Variants in TMEM51 observed in about 807,000 individuals in gnomAD.
TMEM51 encodes chromosome 1 open reading frame 72.
A neutral mutation model predicts 13.6 loss-of-function variants in TMEM51; 8 were observed. The observed-to-expected ratio is 0.59, with a 90% CI of 0.35 to 1.07. The LOEUF is 1.07. TMEM51 is among the 50% of genes least tolerant of loss of function. The pLI is 0.02. For synonymous variants in TMEM51, 147 were observed against 144.4 expected (o/e 1.02, Z -0.13); for missense variants, 279 against 330.7 (o/e 0.84, Z 1.21).
chr1:15,192,915 C>T (rs1165426772), intron 1 of TMEM51: 2 of 155,280 alleles, frequency 1.3e-5, no homozygotes, highest in South Asian at 1.9e-4. Context: ...GCACGGTTTG[C>T]TTCTATGCTT....
At chr1:15,204,369 C>T (rs1197743029) in intron 1 of TMEM51, among the ~76,000 whole-genome samples, 1 of 152,108 alleles carries the variant, frequency 6.6e-6, no homozygotes, top group Non-Finnish European at 1.5e-5. Flanking sequence ...GCCTGGCCAG[C>T]GTGGTGAAAC....
chr1:15,214,083 C>T (rs1644385616), intron 2 of TMEM51, among the ~76,000 whole-genome samples: 1 of 148,608 alleles, frequency 6.7e-6, no homozygotes, highest in Non-Finnish European at 1.5e-5. Context: ...GATCTCTTGA[C>T]CTCGTGATCC....
intron 3 of TMEM51, among the ~76,000 whole-genome samples, chr1:15,216,874 T>C (rs887333422): frequency 3.3e-5 from 5 of 152,172 alleles, no homozygotes; most frequent in African/African-American, 9.6e-5. Context: ...TCAAATGTTG[T>C]GGCTGTGGGA....
chr1:15,180,576 T>C (rs1302882837), intron 1 of TMEM51, among the ~76,000 whole-genome samples: 1 of 152,208 alleles, frequency 6.6e-6, no homozygotes, highest in Non-Finnish European at 1.5e-5. Context: ...TGTTTAATTA[T>C]ATGAGCGGAT....
intron 2 of TMEM51, among the ~76,000 whole-genome samples, chr1:15,212,153 A>C (rs1644351123): frequency 6.6e-6 from 1 of 152,216 alleles, no homozygotes; most frequent in African/African-American, 2.4e-5. Context: ...AATTCTTAGA[A>C]GTTGGAATTA....
chr1:15,202,882 G>T (rs1644182967), intron 1 of TMEM51, among the ~76,000 whole-genome samples: 1 of 152,174 alleles, frequency 6.6e-6, no homozygotes, highest in South Asian at 2.1e-4. Context: ...AAAGAACCCT[G>T]TGCAGGACCC....
intron 1 of TMEM51, among the ~76,000 whole-genome samples, chr1:15,182,779 G>T (rs201046282): frequency 1.3e-5 from 2 of 152,074 alleles, no homozygotes; most frequent in Non-Finnish European, 2.9e-5. Context: ...CTTCTTTTGG[G>T]GGGCACAGAA....
intron 2 of TMEM51, 113 bp from the exon 3 acceptor site, chr1:15,214,782 G>A: frequency 2.9e-6 from 1 of 339,146 alleles, no homozygotes; most frequent in Non-Finnish European, 5.4e-6. Flanking sequence ...CCCAGCCAGA[G>A]CCGGCGTGCT....
intron 1 of TMEM51, chr1:15,192,172 C>T: frequency 5.0e-6 from 2 of 398,478 alleles, no homozygotes; most frequent in Non-Finnish European, 1.0e-5. Context: ...CTTTAGTCTG[C>T]CGGCTGCAAA....
In TMEM51 at chr1:15,161,054, G is replaced by A. The variant is rs1439508261; in HGVS notation, c.-267+7100G>A. On this transcript the variant is annotated intron_variant, in intron 1 of 3. Coordinates refer to ENST00000376008, the MANE Select transcript of TMEM51 (RefSeq NM_001136218.2). The surrounding 1 kb of genome is among the most constrained non-coding windows in gnomAD (Gnocchi z 4.0). ...GGGGAGGGCAGGTGCAGCCGCCACC[G>A]CCAAAGGTCTTCCTGGTGGAGGCAA... Among the ~76,000 whole-genome samples, 3 of 152,056 alleles carry A rather than the reference G, an allele frequency of 2.0e-5. No homozygotes were observed. Among genetic ancestry groups the A allele is most frequent in the Admixed American group, 1.3e-4 (2 of 15,276 alleles).
chr1:15,216,018 TGA>T (rs146993991), intron 3 of TMEM51, among the ~76,000 whole-genome samples: 20,164 of 150,794 alleles, frequency 0.13, 1,625 homozygotes, highest in East Asian at 0.3. Flanking sequence ...GGTGACAGAG[TGA>T]GACTCTGTCT....
chr1:15,170,739 C>A (rs1643234296), intron 1 of TMEM51, among the ~76,000 whole-genome samples: 1 of 152,008 alleles, frequency 6.6e-6, no homozygotes, highest in Non-Finnish European at 1.5e-5. Context: ...GGCAGGTTTT[C>A]TTTTTTTGAG....
At chr1:15,196,074 T>C (rs1644041414) in intron 1 of TMEM51, among the ~76,000 whole-genome samples, 1 of 152,184 alleles carries the variant, frequency 6.6e-6, no homozygotes, top group Non-Finnish European at 1.5e-5. Flanking sequence ...TCTCACTCAC[T>C]GCATCTGACA....
chr1:15,214,499 C>T (rs1644392068), intron 2 of TMEM51, among the ~76,000 whole-genome samples: 1 of 152,224 alleles, frequency 6.6e-6, no homozygotes, highest in African/African-American at 2.4e-5. Context: ...CCCTGTCCCC[C>T]AGGTGAGTCT....
intron 1 of TMEM51, chr1:15,168,737 A>T (rs946330778): frequency 1.5e-6 from 2 of 1,304,410 alleles, no homozygotes; most frequent in African/African-American, 3.0e-5. Flanking sequence ...CGTCTCACAG[A>T]AAGGAGCAGA....
chr1:15,169,392 T>G (rs953687959), intron 1 of TMEM51, among the ~76,000 whole-genome samples: 5 of 152,160 alleles, frequency 3.3e-5, no homozygotes, highest in Non-Finnish European at 7.4e-5. Context: ...GACTTTTTTT[T>G]TTTACTTTGT....
At chr1:15,202,639 C>A (rs1049217838) in intron 1 of TMEM51, among the ~76,000 whole-genome samples, 5 of 152,162 alleles carry the variant, frequency 3.3e-5, no homozygotes, top group African/African-American at 9.7e-5. Context: ...CCTCCTTTGA[C>A]CTTTCTGCTT....
chr1:15,185,844 T>C (rs4661596), intron 1 of TMEM51, among the ~76,000 whole-genome samples: 81,659 of 152,162 alleles, frequency 0.54, 22,411 homozygotes, highest in East Asian at 0.64. Context: ...TTCAGGCTCA[T>C]ACGTGGAATG....
At chr1:15,176,014 G>A (rs572234717) in intron 1 of TMEM51, among the ~76,000 whole-genome samples, 40 of 152,284 alleles carry the variant, frequency 2.6e-4, no homozygotes, top group African/African-American at 9.4e-4. Context: ...CTTCCACCTT[G>A]ACTCTTACAT....
Sources: gnomAD v4.1 joint callset for allele counts (sites outside exome capture counted in the v4.1 genomes callset) on GRCh38, gnomAD v4.1.1 for gene constraint, Gnocchi (gnomAD v3.1) non-coding constraint, MANE v1.5 for transcripts, NCBI Gene and HGNC (gene_info 2026-07-23, HGNC 2026-07-21) for gene names.